Variants in IGF2BP3 observed in about 807,000 individuals in gnomAD.
The protein encoded by IGF2BP3 is insulin-like growth factor 2 mRNA-binding protein 3.
A neutral mutation model predicts 73.8 loss-of-function variants in IGF2BP3; 9 were observed. The ratio of observed to expected loss-of-function variants is 0.12; its 90% CI spans 0.07 to 0.21. The LOEUF (loss-of-function observed/expected upper bound fraction) is 0.21, where lower values mean the gene tolerates loss of function less well. Ranked by LOEUF, IGF2BP3 falls within the 10% of genes least tolerant of loss-of-function variation. IGF2BP3 has a pLI of 1.00. For synonymous variants in IGF2BP3, 258 were observed against 256.7 expected, an observed-to-expected ratio of 1.01 and a Z score of -0.05; for missense variants, 542 against 714.0, an observed-to-expected ratio of 0.76 and a Z score of 2.75.
At chr7:23,322,120 T>C (rs1784172389) in intron 10 of IGF2BP3, among the ~76,000 whole-genome samples, 1 of 152,174 alleles carries the variant, frequency 6.6e-6, no homozygotes, top group African/African-American at 2.4e-5. Context: ...ATCCAATTAC[T>C]GTGAGCTACG....
At chr7:23,417,893 T>A (rs1290382229) in intron 3 of IGF2BP3, among the ~76,000 whole-genome samples, 13 of 152,202 alleles carry the variant, frequency 8.5e-5, no homozygotes, top group Admixed American at 7.9e-4. Flanking sequence ...AACCCCTTCC[T>A]GCAAAGCTTA....
At chr7:23,463,173 G>T (rs565415840) in intron 2 of IGF2BP3, among the ~76,000 whole-genome samples, 1 of 152,294 alleles carries the variant, frequency 6.6e-6, no homozygotes, top group East Asian at 1.9e-4. Context: ...TTACTGAATG[G>T]ATAACTCACA....
At chr7:23,443,687 T>A (rs1787989122) in intron 2 of IGF2BP3, among the ~76,000 whole-genome samples, 1 of 151,000 alleles carries the variant, frequency 6.6e-6, no homozygotes, top group Admixed American at 6.6e-5. Context: ...ATAATAATAA[T>A]AATAAGCAAA....
intron 2 of IGF2BP3, among the ~76,000 whole-genome samples, chr7:23,463,687 G>C (rs1468743820): frequency 1.3e-5 from 2 of 152,200 alleles, no homozygotes; most frequent in African/African-American, 4.8e-5. Context: ...CCTGGCACAT[G>C]TCATGTTTCC....
chr7:23,347,812 C>T, intron 6 of IGF2BP3, 78 bp from the exon 7 acceptor site: 6 of 1,568,202 alleles, frequency 3.8e-6, no homozygotes, highest in Non-Finnish European at 5.2e-6. Flanking sequence ...TTACCAAATG[C>T]AAAGTCATAG....
Position 23,343,750 on chromosome 7 carries a change from C to T in IGF2BP3, c.1045G>A (p.Glu349Lys). 6.2e-7 allele frequency: 1 copy of T among 1,612,342 alleles called. No individual in the cohort carries two copies. Among genetic ancestry groups the T allele is most frequent in the Non-Finnish European group, 8.5e-7 (1 of 1,179,538 alleles). ...GAAGCAATATCATTTTCATAAGACT[C>T]CCTGATTTTCTTCATGATCTCCTCC... ...AEEEIMKKIR[E>K]SYENDIASMN... The change falls in exon 9 of 15, where the codon GAG (glutamate) becomes AAG (lysine). Residue 349 changes from glutamate (E) to lysine (K), a missense_variant. Transcript: ENST00000258729.
intron 3 of IGF2BP3, among the ~76,000 whole-genome samples, chr7:23,373,056 C>A (rs954075905): frequency 4.6e-5 from 7 of 152,152 alleles, no homozygotes; most frequent in Non-Finnish European, 4.4e-5. Context: ...AATACACCGA[C>A]GGAAACCAGT....
chr7:23,370,728 T>C (rs1583949104), intron 3 of IGF2BP3, among the ~76,000 whole-genome samples: 1 of 151,946 alleles, frequency 6.6e-6, no homozygotes, highest in East Asian at 1.9e-4. Flanking sequence ...CCCAGGCTGG[T>C]GTGCAGCAGT....
chr7:23,432,054 T>G lies in IGF2BP3; in HGVS notation c.237-13230A>C, dbSNP rs1409008023. Among the ~76,000 whole-genome samples the G allele has an allele frequency of 2.0e-5, 3 of 152,166 alleles. No individual in the cohort carries two copies. In the East Asian group the frequency reaches 5.8e-4, roughly 29 times the overall value. On this transcript the variant is annotated intron_variant, in intron 2 of 14. Coordinates refer to ENST00000258729, the MANE Select transcript of IGF2BP3 (RefSeq NM_006547.3). ...GTTCTAAGTGAGAATCTAAACATGG[T>G]TTTTTCCATTATCCCCAGCTCCCAG...
chr7:23,361,665 T>G (rs1381390242), intron 4 of IGF2BP3, 25 bp downstream of exon 4: 1 of 1,613,848 alleles, frequency 6.2e-7, no homozygotes, highest in Admixed American at 1.7e-5. Flanking sequence ...TTTACAAATT[T>G]GAAAGCAATT....
At chr7:23,391,097 CTT>C (rs773815068) in intron 3 of IGF2BP3, among the ~76,000 whole-genome samples, 19 of 105,846 alleles carry the variant, frequency 1.8e-4, no homozygotes, top group Admixed American at 2.1e-4. Flanking sequence ...TCGCGCCTGG[CTT>C]TTTTTTTTTT....
chr7:23,361,776 A>C (rs746428371), intron 3 of IGF2BP3, 35 bp from the exon 4 acceptor site: 5 of 1,555,304 alleles, frequency 3.2e-6, no homozygotes, highest in Admixed American at 3.8e-5. Context: ...ATAAATTTTG[A>C]GTTTCCCAAG....
chr7:23,367,777 G>T (rs1178036014), intron 3 of IGF2BP3, among the ~76,000 whole-genome samples: 2 of 152,116 alleles, frequency 1.3e-5, no homozygotes, highest in African/African-American at 4.8e-5. Flanking sequence ...GAGGTGGGTG[G>T]ATCACTTGAG....
At chr7:23,402,108 C>G (rs1047682659) in intron 3 of IGF2BP3, 1 of 152,150 alleles carries the variant, frequency 6.6e-6, no homozygotes. Context: ...AAGAACAAGA[C>G]TCTGTCTCAA....
chr7:23,453,199 G>A (rs10807815), intron 2 of IGF2BP3, among the ~76,000 whole-genome samples: 51,734 of 152,048 alleles, frequency 0.34, 9,137 homozygotes, highest in Middle Eastern at 0.41. Flanking sequence ...CTCCCAAAGT[G>A]CTGGAATTAC....
At chr7:23,367,853 T>G (rs1163108271) in intron 3 of IGF2BP3, among the ~76,000 whole-genome samples, 2 of 152,114 alleles carry the variant, frequency 1.3e-5, no homozygotes, top group East Asian at 3.9e-4. Flanking sequence ...ATACAAAAAT[T>G]AGCTGGACAT....
chr7:23,369,292 A>G (rs999302514), intron 3 of IGF2BP3, among the ~76,000 whole-genome samples: 2 of 152,156 alleles, frequency 1.3e-5, no homozygotes. Flanking sequence ...ATGATCCATG[A>G]TCCAATCAGA....
At chr7:23,348,891 TGTTTTTGAAAATGTG>T (rs1318240591) in intron 6 of IGF2BP3, among the ~76,000 whole-genome samples, 3 of 152,208 alleles carry the variant, frequency 2.0e-5, no homozygotes, top group Non-Finnish European at 2.9e-5. Context: ...ATCATACAGA[TGTTTTTGAAAATGTG>T]GTAAAATTAC....
intron 2 of IGF2BP3, among the ~76,000 whole-genome samples, chr7:23,456,207 C>T (rs571605709): frequency 7.1e-6 from 1 of 140,124 alleles, no homozygotes; most frequent in Non-Finnish European, 1.6e-5. Flanking sequence ...CCATTTTTTG[C>T]AAAACCAGCT....
Sources: allele counts gnomAD v4.1 joint callset (sites outside exome capture counted in the v4.1 genomes callset), GRCh38; gene constraint gnomAD v4.1.1; transcripts MANE v1.5; gene names NCBI Gene and HGNC (gene_info 2026-07-23, HGNC 2026-07-21).